Variants in FSD1L observed in about 807,000 individuals in gnomAD.
The protein encoded by FSD1L is FSD1-like protein.
Under a neutral mutation model 71.6 loss-of-function variants are expected in FSD1L, and 45 were observed. The observed-to-expected ratio is 0.63, with a 90% CI of 0.49 to 0.81. The LOEUF (loss-of-function observed/expected upper bound fraction) is 0.81, where lower values mean the gene tolerates loss of function less well. FSD1L is among the 30% of genes least tolerant of loss of function. FSD1L has a pLI of 0.00. For missense variants in FSD1L, 561 were observed against 618.1 expected (o/e 0.91, Z 0.98); for synonymous variants, 197 against 207.2 (o/e 0.95, Z 0.42).
At chr9:105,455,762 AG>A (rs1278341439) in intron 1 of FSD1L, among the ~76,000 whole-genome samples, 1 of 152,176 alleles carries the variant, frequency 6.6e-6, no homozygotes, top group Non-Finnish European at 1.5e-5. Context: ...CTTTTTTATC[AG>A]ATTTGATGAT....
intron 3 of FSD1L, among the ~76,000 whole-genome samples, chr9:105,466,041 T>TTCAGTAAAG (rs1831046730): frequency 6.6e-6 from 1 of 152,048 alleles, no homozygotes; most frequent in Non-Finnish European, 1.5e-5. Flanking sequence ...AACTGATAAA[T>TTCAGTAAAG]TCAGTAAAGT....
chr9:105,529,117 C>A (rs2131460561), intron 10 of FSD1L, among the ~76,000 whole-genome samples: 1 of 152,294 alleles, frequency 6.6e-6, no homozygotes, highest in East Asian at 1.9e-4. Context: ...AGTCAGGAAA[C>A]AACAGATGCT....
intron 10 of FSD1L, among the ~76,000 whole-genome samples, chr9:105,527,548 A>G (rs1285861936): frequency 5.9e-5 from 9 of 152,128 alleles, no homozygotes; most frequent in South Asian, 2.1e-4. Context: ...CTCCTGAGGA[A>G]ATGTAGCATG....
chr9:105,493,620 A>G (rs1452797604), intron 7 of FSD1L, among the ~76,000 whole-genome samples: 1 of 152,054 alleles, frequency 6.6e-6, no homozygotes, highest in East Asian at 1.9e-4. Flanking sequence ...ATTTGGCCTG[A>G]TTTTGCAGTG....
chr9:105,550,046 CTAA>C lies in FSD1L; in HGVS notation c.*3565_*3567del, dbSNP rs1166529277. 6.6e-6 allele frequency: 1 copy of C among 151,876 alleles called. No individual in the cohort carries two copies. The highest frequency in any genetic ancestry group is 2.4e-5 in the African/African-American group (1 of 41,404). The allele number at this position is 151,876 out of a possible 1,614,324, so 9.4% of individuals were successfully genotyped here. A position where few individuals can be genotyped will look rare whatever the true frequency, so the allele number is the denominator to read the frequency against. On this transcript the variant is annotated 3_prime_UTR_variant, in exon 14 of 14. Coordinates refer to ENST00000481272, the MANE Select transcript of FSD1L (RefSeq NM_001145313.3). Reference sequence around the variant, plus strand: ...TAAAAGATGAGTCTCCATTCATTGGCTAATCCATACAGCAAATATTTGAGTGTT... The same window carrying C: ...TAAAAGATGAGTCTCCATTCATTGGCTCCATACAGCAAATATTTGAGTGTT...
Position 105,448,126 on chromosome 9 carries a change from G to T in FSD1L, c.-95G>T. On this transcript the variant is annotated 5_prime_UTR_variant, in exon 1 of 14. Transcript: ENST00000481272. ...CGGTGCCGGTGCGGGCTGGGGCAGTGCAGTGAGTAGCGGTCTTGGGGTGTG... is the reference window on the plus strand; with the variant it reads ...CGGTGCCGGTGCGGGCTGGGGCAGTTCAGTGAGTAGCGGTCTTGGGGTGTG... 1 of 1,310,872 alleles carries T rather than the reference G, an allele frequency of 7.6e-7. No homozygotes were observed. The highest frequency in any genetic ancestry group is 1.3e-5 in the South Asian group (1 of 79,248). 81.2% of individuals were successfully genotyped at this position (1,310,872 alleles called of 1,614,324 possible).
chr9:105,450,802 G>A (rs755805278), intron 1 of FSD1L, among the ~76,000 whole-genome samples: 1 of 152,002 alleles, frequency 6.6e-6, no homozygotes, highest in Non-Finnish European at 1.5e-5. Flanking sequence ...CTCACAAAGC[G>A]CTGCGATTAC....
At chr9:105,453,439 G>A (rs1830173281) in intron 1 of FSD1L, among the ~76,000 whole-genome samples, 1 of 152,088 alleles carries the variant, frequency 6.6e-6, no homozygotes, top group East Asian at 1.9e-4. Context: ...CTCCCAAAGT[G>A]CTGAGATTAC....
chr9:105,447,524 C>T (rs971755527), upstream of FSD1L, among the ~76,000 whole-genome samples: 1 of 152,032 alleles, frequency 6.6e-6, no homozygotes, highest in Middle Eastern at 3.4e-3. Flanking sequence ...GGTGGGTCCC[C>T]GGGAAAAACT....
rs7034475 is a variant in FSD1L at position 105,521,446 on chromosome 9, G to A, written c.1025+8510G>A. Reference sequence around the variant, plus strand: ...CATCTCACAGACATTGAAATAGTTCGCAGAGTTTTTTCTTCTAAAAGGAGT... The same window carrying A: ...CATCTCACAGACATTGAAATAGTTCACAGAGTTTTTTCTTCTAAAAGGAGT... On this transcript the variant is annotated intron_variant, in intron 10 of 13. Transcript: ENST00000481272. 1.5e-3 allele frequency: 2,364 copies of A among 1,613,704 alleles called. 29 individuals carry two copies. In the African/African-American group the frequency reaches 0.027, roughly 19 times the overall value.
chr9:105,533,416 C>CTTTTTTTTTTTTTTTTTTTTT (rs754896606), intron 10 of FSD1L, among the ~76,000 whole-genome samples: 411 of 29,068 alleles, frequency 0.014, 165 homozygotes, highest in East Asian at 0.041. Flanking sequence ...CCATTTCCAT[C>CTTTTTTTTTTTTTTTTTTTTT]TTTTTTTTTT....
At chr9:105,525,004 A>G in intron 10 of FSD1L, 1 of 1,574,170 alleles carries the variant, frequency 6.4e-7, no homozygotes, top group Non-Finnish European at 8.6e-7. Context: ...GAGGAGGTTT[A>G]TCTGCTGGCC....
intron 7 of FSD1L, among the ~76,000 whole-genome samples, chr9:105,494,494 C>A (rs968255951): frequency 3.3e-5 from 5 of 152,220 alleles, no homozygotes; most frequent in African/African-American, 1.2e-4. Flanking sequence ...GCCTTCTTCT[C>A]TCAACTCGTC....
At chr9:105,445,523 AG>A (rs898149300), upstream of FSD1L, among the ~76,000 whole-genome samples, 2 of 152,102 alleles carry the variant, frequency 1.3e-5, no homozygotes, top group African/African-American at 4.8e-5. Flanking sequence ...TAAAGTGCCT[AG>A]GAATTGCCCT....
At chr9:105,444,315 C>A (rs534431064), upstream of FSD1L, among the ~76,000 whole-genome samples, 1 of 152,152 alleles carries the variant, frequency 6.6e-6, no homozygotes, top group East Asian at 1.9e-4. Context: ...CTATTCTGAT[C>A]GGTATGTTAC....
chr9:105,455,391 G>A (rs1174835395), intron 1 of FSD1L, among the ~76,000 whole-genome samples: 2 of 151,212 alleles, frequency 1.3e-5, no homozygotes, highest in East Asian at 3.8e-4. Flanking sequence ...TGGAGTCGAT[G>A]GAGGGGTTCA....
chr9:105,496,280 A>G (rs536592641), intron 7 of FSD1L, among the ~76,000 whole-genome samples: 6 of 137,702 alleles, frequency 4.4e-5, no homozygotes, highest in Admixed American at 3.4e-4. Context: ...CTCTCTGCTC[A>G]CTGCAAGCTC....
rs115207358 is a variant in FSD1L, at chr9:105,461,642, T to A, written c.111+27T>A. ...TTGGTAGCTCTTAAAGGAGCAGAGG[T>A]TTTAACTTGAAGATCTGATTCAAAA... is the stretch of plus-strand genomic sequence containing the variant. On this transcript the variant is annotated intron_variant, in intron 2 of 13. Transcript: ENST00000481272. 2,486 of 1,363,988 alleles carry A rather than the reference T, an allele frequency of 1.8e-3. 43 individuals carry two copies. The African/African-American group carries it at 0.033, about 18-fold the overall frequency. The allele number at this position is 1,363,988 out of a possible 1,614,324, so 84.5% of individuals were successfully genotyped here.
chr9:105,511,772 A>G (rs142839655), intron 9 of FSD1L, among the ~76,000 whole-genome samples: 80 of 152,284 alleles, frequency 5.3e-4, no homozygotes, highest in Non-Finnish European at 9.4e-4. Flanking sequence ...TTCATTAGGT[A>G]AACAGTTATG....
Sources: gnomAD v4.1 joint callset for allele counts (sites outside exome capture counted in the v4.1 genomes callset) on GRCh38, gnomAD v4.1.1 for gene constraint, MANE v1.5 for transcripts, NCBI Gene and HGNC (gene_info 2026-07-23, HGNC 2026-07-21) for gene names.